Variants in GABRG3 observed in about 807,000 individuals in gnomAD.
GABRG3 encodes the protein gamma-aminobutyric acid receptor subunit gamma-3.
Under a neutral mutation model 48.8 loss-of-function variants are expected in GABRG3, and 25 were observed. The observed-to-expected ratio is 0.51, with a 90% CI of 0.37 to 0.72. The LOEUF is 0.72. GABRG3 is among the 30% of genes least tolerant of loss of function. GABRG3 has a pLI of 0.00. For missense variants in GABRG3, 394 were observed against 577.9 expected (o/e 0.68, Z 3.26); for synonymous variants, 227 against 217.6 (o/e 1.04, Z -0.38).
chr15:27,004,280 C>T (rs1415593498), intron 2 of GABRG3, among the ~76,000 whole-genome samples: 2 of 151,418 alleles, frequency 1.3e-5, no homozygotes, highest in African/African-American at 2.4e-5. Flanking sequence ...ACGGGGCGGC[C>T]GGGCAGAGAC....
At chr15:27,470,453 G>A (rs954884058) in intron 5 of GABRG3, among the ~76,000 whole-genome samples, 11 of 151,320 alleles carry the variant, frequency 7.3e-5, no homozygotes, top group Non-Finnish European at 1.0e-4. Context: ...TGCTGGTCTC[G>A]AACTCCTGAG....
intron 5 of GABRG3, among the ~76,000 whole-genome samples, chr15:27,461,617 T>A (rs1889450960): frequency 6.6e-6 from 1 of 152,326 alleles, no homozygotes; most frequent in African/African-American, 2.4e-5. Flanking sequence ...GCCCCACTCA[T>A]ATCCTGCCGG....
intron 3 of GABRG3, among the ~76,000 whole-genome samples, chr15:27,220,230 G>A (rs958518983): frequency 1.3e-5 from 2 of 152,164 alleles, no homozygotes; most frequent in African/African-American, 4.8e-5. Flanking sequence ...AAAAAGGTGG[G>A]ATATCTTGAA....
At chr15:27,279,533 C>T (rs1208688989) in intron 3 of GABRG3, among the ~76,000 whole-genome samples, 2 of 152,172 alleles carry the variant, frequency 1.3e-5, no homozygotes, top group Non-Finnish European at 2.9e-5. Context: ...TTTCTTCAAA[C>T]GAATTGCTTT....
intron 3 of GABRG3, among the ~76,000 whole-genome samples, chr15:27,078,954 G>A (rs1595510221): frequency 6.6e-6 from 1 of 152,202 alleles, no homozygotes; most frequent in African/African-American, 2.4e-5. Context: ...CTTATAAGAA[G>A]AGAAGAGACA....
At position 27,180,877 on chromosome 15, in the gene GABRG3, G is replaced by T. The variant is rs144944855; in HGVS notation, c.271-145932G>T. Among the ~76,000 whole-genome samples the T allele has an allele frequency of 3.4e-4, 51 of 152,172 alleles. No homozygotes were observed. The highest frequency in any genetic ancestry group is 1.0e-3 in the African/African-American group (43 of 41,516). On this transcript the variant is annotated intron_variant, in intron 3 of 9. Coordinates refer to ENST00000615808, the MANE Select transcript of GABRG3 (RefSeq NM_033223.5). The surrounding 1 kb of genome is among the most constrained non-coding windows in gnomAD (Gnocchi z 4.2). ...ATGTCTACTTAAGGCTGGAGGCTTGGACTAACCAATCTAACACAGGATTAT... is the reference window on the plus strand; with the variant it reads ...ATGTCTACTTAAGGCTGGAGGCTTGTACTAACCAATCTAACACAGGATTAT...
intron 3 of GABRG3, among the ~76,000 whole-genome samples, chr15:27,098,830 G>T (rs1897309135): frequency 6.6e-6 from 1 of 151,928 alleles, no homozygotes; most frequent in Non-Finnish European, 1.5e-5. Flanking sequence ...GAGTCTTCTA[G>T]TGCCAGTCAA....
intron 3 of GABRG3, among the ~76,000 whole-genome samples, chr15:27,178,689 TTAAAC>T (rs1887825073): frequency 6.6e-6 from 1 of 152,144 alleles, no homozygotes; most frequent in Admixed American, 6.5e-5. Flanking sequence ...AGAAATATGA[TTAAAC>T]AAAAAGGGTG....
intron 3 of GABRG3, among the ~76,000 whole-genome samples, chr15:27,043,662 C>G (rs981565388): frequency 2.6e-5 from 4 of 152,170 alleles, no homozygotes; most frequent in African/African-American, 9.7e-5. Flanking sequence ...TGAGGCATTG[C>G]TTGATTCTAG....
chr15:26,987,951 A>G (rs1895180661), intron 2 of GABRG3, among the ~76,000 whole-genome samples: 1 of 152,054 alleles, frequency 6.6e-6, no homozygotes, highest in African/African-American at 2.4e-5. Context: ...TTATTTTTCA[A>G]ATATTTGAGG....
intron 3 of GABRG3, among the ~76,000 whole-genome samples, chr15:27,078,572 G>T (rs1298130488): frequency 6.6e-6 from 1 of 152,222 alleles, no homozygotes; most frequent in Non-Finnish European, 1.5e-5. Context: ...GCCAGGCAAA[G>T]GGTACCGAGG....
chr15:27,335,057 C>T (rs989524419), intron 5 of GABRG3, among the ~76,000 whole-genome samples: 2 of 152,136 alleles, frequency 1.3e-5, no homozygotes, highest in African/African-American at 4.8e-5. Context: ...TATGACTGAA[C>T]AATATTATAT....
chr15:27,097,144 G>A (rs951562857), intron 3 of GABRG3, among the ~76,000 whole-genome samples: 6 of 151,886 alleles, frequency 4.0e-5, no homozygotes, highest in East Asian at 1.9e-4. Flanking sequence ...GAGCCACCGC[G>A]CCTGGCCTTG....
chr15:27,295,267 G>C (rs1180721977), intron 3 of GABRG3: 2 of 152,154 alleles, frequency 1.3e-5, no homozygotes, highest in African/African-American at 4.8e-5. Flanking sequence ...TGGTACTCCA[G>C]CTTGGAGTGG....
intron 3 of GABRG3, chr15:27,295,275 T>G (rs956162253): frequency 2.6e-5 from 4 of 152,040 alleles, no homozygotes; most frequent in Non-Finnish European, 5.9e-5. Context: ...CAGCTTGGAG[T>G]GGGAAAGTAC....
chr15:27,005,203 T>C (rs1019704150), intron 2 of GABRG3, among the ~76,000 whole-genome samples: 2 of 152,134 alleles, frequency 1.3e-5, no homozygotes, highest in East Asian at 1.9e-4. Context: ...TTTTATTTTA[T>C]TTATTTATTT....
intron 6 of GABRG3, among the ~76,000 whole-genome samples, chr15:27,489,645 T>A (rs1259450680): frequency 6.6e-6 from 1 of 152,232 alleles, no homozygotes; most frequent in Non-Finnish European, 1.5e-5. Context: ...GAGCTTTTTT[T>A]CATGTTTGTT....
chr15:27,288,480 C>T (rs1460433816), intron 3 of GABRG3, among the ~76,000 whole-genome samples: 2 of 151,760 alleles, frequency 1.3e-5, no homozygotes, highest in East Asian at 3.9e-4. Context: ...GAGTGTGCAA[C>T]CTAGATCCCT....
intron 3 of GABRG3, among the ~76,000 whole-genome samples, chr15:27,191,100 T>C (rs1888284844): frequency 1.3e-5 from 2 of 152,230 alleles, no homozygotes; most frequent in African/African-American, 2.4e-5. Context: ...ATAGTTTTGT[T>C]ATAATTTCTG....
Sources: allele counts gnomAD v4.1 joint callset (sites outside exome capture counted in the v4.1 genomes callset), GRCh38; gene constraint gnomAD v4.1.1; non-coding constraint Gnocchi (gnomAD v3.1); transcripts MANE v1.5; gene names NCBI Gene and HGNC (gene_info 2026-07-23, HGNC 2026-07-21).